AKAP13: variants seen among roughly 807,000 people sequenced by gnomAD.
AKAP13 encodes the protein A-kinase anchoring protein 13.
A neutral mutation model predicts 264.5 loss-of-function variants in AKAP13; 80 were observed. That is an observed-to-expected ratio of 0.30 (90% CI 0.25 to 0.36). The LOEUF is 0.36. AKAP13 is among the 10% of genes least tolerant of loss of function. The pLI is 1.00. For synonymous variants in AKAP13, 1,380 were observed against 1,250.2 expected, an observed-to-expected ratio of 1.10 and a Z score of -2.19; for missense variants, 3,712 against 3,435.2, an observed-to-expected ratio of 1.08 and a Z score of -2.01.
intron 36 of AKAP13, 75 bp from the exon 37 acceptor site, chr15:85,744,553 T>C: frequency 6.6e-7 from 1 of 1,512,976 alleles, no homozygotes; most frequent in Non-Finnish European, 9.2e-7. Flanking sequence ...ACAGAAGACT[T>C]TGGGATGGGG....
chr15:85,532,096 A>T (rs1288350003), intron 3 of AKAP13, among the ~76,000 whole-genome samples: 1 of 152,196 alleles, frequency 6.6e-6, no homozygotes, highest in East Asian at 1.9e-4. Flanking sequence ...AGAACAATAC[A>T]TGCCTCATAA....
At chr15:85,711,920 A>T (rs2086652302) in intron 19 of AKAP13, among the ~76,000 whole-genome samples, 1 of 151,710 alleles carries the variant, frequency 6.6e-6, no homozygotes, top group Non-Finnish European at 1.5e-5. Flanking sequence ...GTAACCTCAA[A>T]CTCCTGGGCT....
At chr15:85,383,047 C>A (rs192729841) in intron 1 of AKAP13, among the ~76,000 whole-genome samples, 101 of 152,206 alleles carry the variant, frequency 6.6e-4, no homozygotes, top group African/African-American at 2.3e-3. Context: ...ATCAGCCCCC[C>A]CCTTTTTGTG....
intron 8 of AKAP13, among the ~76,000 whole-genome samples, chr15:85,613,399 G>T (rs548193291): frequency 5.1e-4 from 78 of 152,072 alleles, no homozygotes; most frequent in African/African-American, 1.9e-3. Context: ...AGGAGTGCTG[G>T]GGCCGGGTGC....
chr15:85,597,334 G>C (rs1346011707), intron 8 of AKAP13, among the ~76,000 whole-genome samples: 4 of 152,104 alleles, frequency 2.6e-5, no homozygotes, highest in African/African-American at 9.7e-5. Flanking sequence ...GCCCACCTCT[G>C]TCTTAGACAT....
At chr15:85,567,374 G>A (rs1233575507) in intron 5 of AKAP13, among the ~76,000 whole-genome samples, 4 of 152,184 alleles carry the variant, frequency 2.6e-5, no homozygotes, top group African/African-American at 9.7e-5. Context: ...CCAAAGTGCT[G>A]AGATTGCAGG....
At chr15:85,735,458 G>T in intron 31 of AKAP13, 102 bp from the exon 32 acceptor site, 1 of 1,259,620 alleles carries the variant, frequency 7.9e-7, no homozygotes, top group South Asian at 1.4e-5. Flanking sequence ...GCATCAGTAG[G>T]TTTCAGACAT....
At chr15:85,649,078 GGA>G (rs2082686671) in intron 10 of AKAP13, among the ~76,000 whole-genome samples, 1 of 152,156 alleles carries the variant, frequency 6.6e-6, no homozygotes, top group African/African-American at 2.4e-5. Flanking sequence ...CTTACAAAAA[GGA>G]GAGAGACTAA....
Position 85,498,199 on chromosome 15 carries a change from G to GATATAGATATATATATATAT in AKAP13, c.33+12451_33+12452insGATATATATATATATATATA, listed in dbSNP as rs1467895169. Among the ~76,000 whole-genome samples, 23 of 133,084 alleles carry GATATAGATATATATATATAT rather than the reference G, an allele frequency of 1.7e-4. 1 individual carries two copies. In the East Asian group the frequency reaches 2.8e-3, roughly 16 times the overall value. 87.3% of individuals were successfully genotyped at this position (133,084 alleles called of 152,430 possible). The stretch of plus-strand genomic sequence containing the variant: ...TGGTAGTAAGGATTAAATGAAGTGA[G>GATATAGATATATATATATAT]ATATATATATATATATATATATATA... On this transcript the variant is annotated intron_variant, in intron 2 of 36. Coordinates refer to ENST00000394518, the MANE Select transcript of AKAP13 (RefSeq NM_007200.5).
chr15:85,634,264 G>C (rs2081982459), intron 8 of AKAP13, among the ~76,000 whole-genome samples: 1 of 152,168 alleles, frequency 6.6e-6, no homozygotes, highest in African/African-American at 2.4e-5. Flanking sequence ...TCTGCCTTAT[G>C]CCACTTAGCA....
At chr15:85,677,447 A>G (rs763172407) in intron 14 of AKAP13, among the ~76,000 whole-genome samples, 9 of 152,242 alleles carry the variant, frequency 5.9e-5, no homozygotes, top group Non-Finnish European at 1.0e-4. Flanking sequence ...TTATTTGACA[A>G]TGTAAATTTT....
At chr15:85,660,030 G>A (rs1955792719) in intron 12 of AKAP13, among the ~76,000 whole-genome samples, 1 of 152,164 alleles carries the variant, frequency 6.6e-6, no homozygotes, top group Non-Finnish European at 1.5e-5. Context: ...TAGACCATCT[G>A]CAGCTTCCTT....
At chr15:85,396,041 CACAT>C (rs900442752) in intron 1 of AKAP13, among the ~76,000 whole-genome samples, 19 of 151,766 alleles carry the variant, frequency 1.3e-4, no homozygotes, top group South Asian at 2.1e-4. Context: ...CACACACACA[CACAT>C]ACATATGCAC....
rs1567207634 is a variant in AKAP13, at chr15:85,710,561, T to TA, written c.5533-17dup. On this transcript the variant is annotated splice_polypyrimidine_tract_variant and intron_variant, in intron 18 of 36. Transcript: ENST00000394518. ...GTCAGAGGTGAATTGTCAATGGACT[T>TA]ACTTTCTTTCTCTTTAGCAGCCCAA... 1.2e-6 allele frequency: 2 copies of TA among 1,612,970 alleles called. No individual in the cohort carries two copies. Among genetic ancestry groups the TA allele is most frequent in the South Asian group, 1.1e-5 (1 of 90,948 alleles).
At chr15:85,666,409 A>G (rs1029985254) in intron 13 of AKAP13, among the ~76,000 whole-genome samples, 1 of 148,106 alleles carries the variant, frequency 6.8e-6, no homozygotes, top group East Asian at 2.0e-4. Context: ...TTCTTTGTAG[A>G]TTCTGGATAT....
chr15:85,389,248 C>A (rs545750659), intron 1 of AKAP13, among the ~76,000 whole-genome samples: 1 of 152,298 alleles, frequency 6.6e-6, no homozygotes, highest in East Asian at 1.9e-4. Flanking sequence ...TCGTACTCTG[C>A]AATTTTCAAA....
intron 1 of AKAP13, among the ~76,000 whole-genome samples, chr15:85,440,725 C>G (rs2073604941): frequency 6.6e-6 from 1 of 152,182 alleles, no homozygotes; most frequent in Non-Finnish European, 1.5e-5. Context: ...ATGAAAGCTG[C>G]TTTCTCAGAG....
At chr15:85,632,690 T>A (rs1448952306) in intron 8 of AKAP13, among the ~76,000 whole-genome samples, 1 of 152,230 alleles carries the variant, frequency 6.6e-6, no homozygotes, top group Non-Finnish European at 1.5e-5. Context: ...ATGTGTTTAT[T>A]GTATATAATT....
intron 2 of AKAP13, among the ~76,000 whole-genome samples, chr15:85,508,615 G>T (rs991905397): frequency 2.0e-5 from 3 of 151,758 alleles, no homozygotes; most frequent in African/African-American, 7.3e-5. Context: ...CCTGTTCTCC[G>T]CAGAGGAACC....
Sources: gnomAD v4.1 joint callset for allele counts (sites outside exome capture counted in the v4.1 genomes callset) on GRCh38, gnomAD v4.1.1 for gene constraint, MANE v1.5 for transcripts, NCBI Gene and HGNC (gene_info 2026-07-23, HGNC 2026-07-21) for gene names.